MAML3: variants seen among roughly 807,000 people sequenced by gnomAD.
MAML3 encodes mastermind like transcriptional coactivator 3, also known as mastermind-like protein 3.
In MAML3, 27 loss-of-function variants were observed where a neutral mutation model predicts 101.9. That is an observed-to-expected ratio of 0.27 (90% CI 0.20 to 0.37). The LOEUF is 0.37. Among genes scored for constraint, MAML3 ranks in the 10% least tolerant of loss-of-function variants. MAML3 has a pLI of 1.00. For missense variants in MAML3, 1,316 were observed against 1,444.9 expected (o/e 0.91, Z 1.45); for synonymous variants, 501 against 555.9 (o/e 0.90, Z 1.39).
At chr4:139,806,513 T>G (rs1300251253) in intron 2 of MAML3, among the ~76,000 whole-genome samples, 1 of 152,268 alleles carries the variant, frequency 6.6e-6, no homozygotes, top group East Asian at 1.9e-4. Context: ...TAGGCAAGCA[T>G]AAATTGATAA....
At chr4:139,989,602 G>T (rs1734619605) in intron 1 of MAML3, among the ~76,000 whole-genome samples, 1 of 152,012 alleles carries the variant, frequency 6.6e-6, no homozygotes, top group African/African-American at 2.4e-5. Context: ...GCCCAGAAAT[G>T]CTGCCTGCTT....
chr4:139,980,274 C>G (rs2110808049), intron 1 of MAML3, among the ~76,000 whole-genome samples: 1 of 152,292 alleles, frequency 6.6e-6, no homozygotes, highest in South Asian at 2.1e-4. Context: ...TGGGTCCACT[C>G]TAAGAATCAG....
At chr4:139,732,183 A>C (rs559863717) in intron 2 of MAML3, among the ~76,000 whole-genome samples, 12 of 152,274 alleles carry the variant, frequency 7.9e-5, no homozygotes, top group Admixed American at 7.8e-4. Flanking sequence ...TCTTCTTTTT[A>C]CTTTATTGCC....
intron 2 of MAML3, among the ~76,000 whole-genome samples, chr4:139,824,027 C>G (rs1047430572): frequency 6.6e-6 from 1 of 152,066 alleles, no homozygotes; most frequent in African/African-American, 2.4e-5. Context: ...CAATCACTAC[C>G]ACTTGGTAAA....
intron 1 of MAML3, among the ~76,000 whole-genome samples, chr4:140,069,366 A>AGAAGGAGAAGG (rs1560883487): frequency 4.9e-5 from 6 of 122,696 alleles, no homozygotes; most frequent in African/African-American, 1.6e-4. Flanking sequence ...GAAGGAGAAG[A>AGAAGGAGAAGG]AGAAGAAGAA....
intron 1 of MAML3, among the ~76,000 whole-genome samples, chr4:139,975,419 A>T (rs908864959): frequency 6.6e-6 from 1 of 152,130 alleles, no homozygotes; most frequent in Admixed American, 6.5e-5. Flanking sequence ...CCATACACAC[A>T]GGCTCACACA....
intron 2 of MAML3, among the ~76,000 whole-genome samples, chr4:139,813,285 A>T (rs1490870580): frequency 1.3e-5 from 2 of 152,200 alleles, no homozygotes; most frequent in Admixed American, 1.3e-4. Context: ...GAAATCATAA[A>T]AGAAACTTTC....
chr4:140,077,686 A>G (rs1456219804), intron 1 of MAML3, among the ~76,000 whole-genome samples: 2 of 152,128 alleles, frequency 1.3e-5, no homozygotes, highest in East Asian at 3.9e-4. Flanking sequence ...ATTATTTACC[A>G]AGGTAGCCAC....
At chr4:139,795,963 C>G (rs767684712) in intron 2 of MAML3, among the ~76,000 whole-genome samples, 3 of 152,202 alleles carry the variant, frequency 2.0e-5, no homozygotes, top group African/African-American at 7.2e-5. Flanking sequence ...ACTGTATCTT[C>G]TTTAGCACAG....
At chr4:139,820,307 C>T (rs894984563) in intron 2 of MAML3, among the ~76,000 whole-genome samples, 1 of 152,118 alleles carries the variant, frequency 6.6e-6, no homozygotes, top group Non-Finnish European at 1.5e-5. Flanking sequence ...TGGTTAAATT[C>T]GTTTTAAGGT....
At chr4:139,754,994 C>T (rs1224343492) in intron 2 of MAML3, among the ~76,000 whole-genome samples, 1 of 152,222 alleles carries the variant, frequency 6.6e-6, no homozygotes, top group Non-Finnish European at 1.5e-5. Context: ...TTTGCCTCTT[C>T]GGCGTGGCGA....
At chr4:139,972,633 T>A (rs560971615) in intron 1 of MAML3, among the ~76,000 whole-genome samples, 1 of 152,206 alleles carries the variant, frequency 6.6e-6, no homozygotes, top group Non-Finnish European at 1.5e-5. Flanking sequence ...GATGGCAATG[T>A]TCCATATCAT....
rs141329465 is a variant in MAML3, at chr4:139,878,540, A to T, written c.2079+10817T>A. 3.1e-3 allele frequency among the ~76,000 whole-genome samples: 467 copies of T among 152,308 alleles called. 2 individuals are homozygous for T. Among genetic ancestry groups the T allele is most frequent in the African/African-American group, 0.011 (453 of 41,568 alleles). On this transcript the variant is annotated intron_variant, in intron 2 of 4. Transcript: ENST00000509479. ...TACACCTGTGTCGAACCCTTAGGCTAGTAGGCTCCTCTTGGGAAAAAATAA... is the reference window on the plus strand; with the variant it reads ...TACACCTGTGTCGAACCCTTAGGCTTGTAGGCTCCTCTTGGGAAAAAATAA...
chr4:139,988,504 A>G (rs1013275357), intron 1 of MAML3, among the ~76,000 whole-genome samples: 2 of 152,136 alleles, frequency 1.3e-5, no homozygotes, highest in African/African-American at 4.8e-5. Context: ...GTTTTTCCAG[A>G]CAAGCAAAAA....
At chr4:140,076,133 C>T (rs1170605903) in intron 1 of MAML3, among the ~76,000 whole-genome samples, 1 of 151,954 alleles carries the variant, frequency 6.6e-6, no homozygotes, top group Non-Finnish European at 1.5e-5. Context: ...TCCCAAAGCC[C>T]TGGTATTAAA....
intron 2 of MAML3, among the ~76,000 whole-genome samples, chr4:139,840,685 G>A (rs1339871265): frequency 2.0e-5 from 3 of 152,172 alleles, no homozygotes; most frequent in Admixed American, 6.5e-5. Flanking sequence ...AGGTGGGGAG[G>A]AGCTTTTGCA....
chr4:139,820,707 C>T (rs1578616519), intron 2 of MAML3, among the ~76,000 whole-genome samples: 1 of 152,168 alleles, frequency 6.6e-6, no homozygotes, highest in East Asian at 1.9e-4. Context: ...AAAAACTCTT[C>T]TAAAATACTT....
intron 1 of MAML3, among the ~76,000 whole-genome samples, chr4:139,909,108 T>C (rs999730382): frequency 6.6e-6 from 1 of 151,992 alleles, no homozygotes; most frequent in Non-Finnish European, 1.5e-5. Context: ...CGAACTGGAG[T>C]TCCTTGGCAG....
intron 3 of MAML3, among the ~76,000 whole-genome samples, chr4:139,727,976 G>A (rs185482719): frequency 1.7e-3 from 262 of 152,298 alleles, no homozygotes; most frequent in Middle Eastern, 3.4e-3. Flanking sequence ...AGCACTTTGG[G>A]AGGCCGAGGC....
Sources: gnomAD v4.1 joint callset for allele counts (sites outside exome capture counted in the v4.1 genomes callset) on GRCh38, gnomAD v4.1.1 for gene constraint, MANE v1.5 for transcripts, NCBI Gene and HGNC (gene_info 2026-07-23, HGNC 2026-07-21) for gene names.